The following RMND5A variants were observed in gnomAD, a reference collection of about 807,000 sequenced individuals.
RMND5A encodes the protein required for meiotic nuclear division 5 homolog A.
In RMND5A, 17 loss-of-function variants were observed where a neutral mutation model predicts 49.7. The ratio of observed to expected loss-of-function variants is 0.34; its 90% CI spans 0.23 to 0.51. The LOEUF is 0.51. Ranked by LOEUF, RMND5A falls within the 20% of genes least tolerant of loss-of-function variation. RMND5A has a pLI of 0.96. For synonymous variants in RMND5A, 156 were observed against 167.7 expected (o/e 0.93, Z 0.54); for missense variants, 255 against 471.3 (o/e 0.54, Z 4.25).
chr2:86,746,855 C>T (rs1361158707), intron 2 of RMND5A, among the ~76,000 whole-genome samples: 2 of 152,206 alleles, frequency 1.3e-5, no homozygotes, highest in Admixed American at 1.3e-4. Flanking sequence ...AATAACATAA[C>T]AGTGTGAATC....
Position 86,765,115 on chromosome 2 carries a change from A to G in RMND5A, c.610A>G (p.Met204Val). 2 of 1,614,154 alleles carry G rather than the reference A, an allele frequency of 1.2e-6. No homozygotes were observed. The highest frequency in any genetic ancestry group is 1.7e-6 in the Non-Finnish European group (2 of 1,180,002). The change falls in exon 5 of 9, where the codon ATG (methionine) becomes GTG (valine). Residue 204 changes from methionine to valine, a missense_variant. Physicochemically the swap from Met to Val is conservative, Grantham distance 21. Transcript: ENST00000283632. ...LHRLYFISLLMGGTTNQREAL... is the reference protein window; with the variant it reads ...LHRLYFISLLVGGTTNQREAL... ...CAGACTGTATTTTATTAGCTTGTTAATGGGTGGAACCACAAATCAGCGAGA... is the reference window on the plus strand; with the variant it reads ...CAGACTGTATTTTATTAGCTTGTTAGTGGGTGGAACCACAAATCAGCGAGA...
At chr2:86,748,062 A>G (rs1270805030) in intron 2 of RMND5A, among the ~76,000 whole-genome samples, 1 of 152,212 alleles carries the variant, frequency 6.6e-6, no homozygotes, top group Non-Finnish European at 1.5e-5. Flanking sequence ...AAAGTATAGT[A>G]AGACAGAAGA....
intron 4 of RMND5A, among the ~76,000 whole-genome samples, chr2:86,762,709 CATAT>C (rs5832691): frequency 3.9e-5 from 1 of 25,412 alleles, no homozygotes; most frequent in Non-Finnish European, 1.4e-4. Context: ...TCATATATAT[CATAT>C]ATATCATATA....
At chr2:86,773,256 A>G in intron 8 of RMND5A, 92 bp from the exon 9 acceptor site, 3 of 665,020 alleles carry the variant, frequency 4.5e-6, no homozygotes, top group Non-Finnish European at 8.0e-6. Context: ...ATATGTGTGT[A>G]TAATTGTTAA....
chr2:86,743,831 CAAAA>C (rs958834223), intron 2 of RMND5A, among the ~76,000 whole-genome samples: 1 of 149,834 alleles, frequency 6.7e-6, no homozygotes, highest in Non-Finnish European at 1.5e-5. Context: ...ACTAAAAATA[CAAAA>C]AAAAATTAGG....
intron 4 of RMND5A, among the ~76,000 whole-genome samples, chr2:86,757,174 CAAAAAAAAAAAAAAAAAAAA>C (rs60710494): frequency 1.0e-5 from 1 of 97,970 alleles, no homozygotes; most frequent in Non-Finnish European, 2.0e-5. Flanking sequence ...AACTCAGTCT[CAAAAAAAAAAAAAAAAAAAA>C]AAAAAAAAAA....
chr2:86,750,395 G>A (rs1362217434), intron 2 of RMND5A, among the ~76,000 whole-genome samples: 1 of 152,190 alleles, frequency 6.6e-6, no homozygotes, highest in African/African-American at 2.4e-5. Context: ...TAGGATGACA[G>A]TTATTTTCTT....
chr2:86,767,882 A>C (rs1326363909), intron 6 of RMND5A, among the ~76,000 whole-genome samples: 1 of 152,228 alleles, frequency 6.6e-6, no homozygotes, highest in Non-Finnish European at 1.5e-5. Flanking sequence ...TGTGTGAAAC[A>C]AGGTTTTTTT....
At chr2:86,762,644 CA>C (rs139214361) in intron 4 of RMND5A, among the ~76,000 whole-genome samples, 2 of 140,146 alleles carry the variant, frequency 1.4e-5, no homozygotes, top group Non-Finnish European at 1.5e-5. Flanking sequence ...AACTCTGTCT[CA>C]AAAAAAAAAA....
intron 5 of RMND5A, chr2:86,765,416 A>G (rs1031656135): frequency 6.9e-6 from 3 of 435,400 alleles, no homozygotes; most frequent in Admixed American, 4.2e-5. Context: ...TTAAACTTAG[A>G]GGAGATGTGA....
chr2:86,726,451 C>T (rs1447512516), intron 1 of RMND5A, among the ~76,000 whole-genome samples: 1 of 67,314 alleles, frequency 1.5e-5, no homozygotes, highest in Non-Finnish European at 2.8e-5. Context: ...AGAATAGTGA[C>T]TTTGTTTTGA....
chr2:86,744,962 C>T (rs1681511915), intron 2 of RMND5A, among the ~76,000 whole-genome samples: 1 of 151,698 alleles, frequency 6.6e-6, no homozygotes, highest in African/African-American at 2.4e-5. Context: ...AGCCACTGTG[C>T]CTGGCCCATT....
At chr2:86,756,200 T>G (rs1240440422) in intron 4 of RMND5A, among the ~76,000 whole-genome samples, 1 of 152,058 alleles carries the variant, frequency 6.6e-6, no homozygotes. Flanking sequence ...GAGACCAGCC[T>G]GGGCAACATA....
rs1672727128 is a variant in RMND5A, at chr2:86,774,090, G to GA, written c.*681dup. 6.6e-6 allele frequency: 1 copy of GA among 152,650 alleles called. No homozygotes were observed. The highest frequency in any genetic ancestry group is 1.5e-5 in the Non-Finnish European group (1 of 68,036). The allele number at this position is 152,650 out of a possible 1,614,324, so 9.5% of individuals were successfully genotyped here. ...AGAAGTCTTCCGTTAGCATAGAGTG[G>GA]AAGGAGTACTATTGTTTGGTTGGGT... is the stretch of plus-strand genomic sequence containing the variant. On this transcript the variant is annotated 3_prime_UTR_variant, in exon 9 of 9. Coordinates refer to ENST00000283632, the MANE Select transcript of RMND5A (RefSeq NM_022780.4).
chr2:86,761,988 A>G (rs1489743051), intron 4 of RMND5A, among the ~76,000 whole-genome samples: 3 of 152,218 alleles, frequency 2.0e-5, no homozygotes, highest in African/African-American at 7.2e-5. Context: ...GATAATTCAT[A>G]ACTTTCAGGA....
intron 6 of RMND5A, among the ~76,000 whole-genome samples, chr2:86,767,563 G>T (rs779074570): frequency 6.6e-6 from 1 of 151,936 alleles, no homozygotes; most frequent in African/African-American, 2.4e-5. Flanking sequence ...GTACAGTTGT[G>T]TGCCACATCA....
chr2:86,757,174 CAAAAAAAAAAAAAAAA>C (rs60710494), intron 4 of RMND5A, among the ~76,000 whole-genome samples: 78 of 97,952 alleles, frequency 8.0e-4, no homozygotes, highest in South Asian at 1.9e-3. Flanking sequence ...AACTCAGTCT[CAAAAAAAAAAAAAAAA>C]AAAAAAAAAA....
chr2:86,745,007 AAT>A (rs1491091522), intron 2 of RMND5A, among the ~76,000 whole-genome samples: 2 of 75,000 alleles, frequency 2.7e-5, no homozygotes, highest in Non-Finnish European at 5.2e-5. Context: ...GTTCTGTGAC[AAT>A]TTTTTTTTTT....
At chr2:86,761,214 T>C (rs1672482587) in intron 4 of RMND5A, among the ~76,000 whole-genome samples, 1 of 152,176 alleles carries the variant, frequency 6.6e-6, no homozygotes, top group Non-Finnish European at 1.5e-5. Flanking sequence ...CAAGGATTCA[T>C]TAAGGCGGAT....
Sources: gnomAD v4.1 joint callset for allele counts (sites outside exome capture counted in the v4.1 genomes callset) on GRCh38, gnomAD v4.1.1 for gene constraint, MANE v1.5 for transcripts, NCBI Gene and HGNC (gene_info 2026-07-23, HGNC 2026-07-21) for gene names.